The following REPIN1 variants were observed in gnomAD, a reference collection of about 807,000 sequenced individuals.
REPIN1 encodes replication initiator 1.
REPIN1 carries 4 observed loss-of-function variants against 5.7 expected under a neutral mutation model. The ratio of observed to expected loss-of-function variants is 0.71; its 90% CI spans 0.35 to 1.62. The LOEUF is 1.62. Ranked by LOEUF, REPIN1 falls within the 40% of genes most tolerant of loss-of-function variation. REPIN1 has a pLI of 0.05. For synonymous variants in REPIN1, 410 were observed against 386.2 expected, an observed-to-expected ratio of 1.06 and a Z score of -0.72; for missense variants, 854 against 901.0, an observed-to-expected ratio of 0.95 and a Z score of 0.67.
Position 150,369,861 on chromosome 7 carries a change from T to G in REPIN1, c.150T>G (p.Ser50Arg). The change falls in exon 2 of 3, where the codon AGT becomes AGG. Residue 50 changes from serine (S) to arginine (R), a missense_variant. This residue lies in a region of REPIN1 where 409 missense variants were observed against 418.6 expected (regional missense o/e 0.98). Coordinates refer to ENST00000489432, the MANE Select transcript of REPIN1 (RefSeq NM_001099695.2). ...AAAAGCCTCATCCCCAGCTCTGCAG[T>G]CTCCAGGGTAGAGTCTGGCCTTTGC... ...SWKKPHPQLC[S>R]LQAEEEPMLE... 1.2e-6 allele frequency: 2 copies of G among 1,600,768 alleles called. No individual in the cohort carries two copies. Among genetic ancestry groups the G allele is most frequent in the South Asian group, 2.2e-5 (2 of 90,242 alleles).
At position 150,372,713 on chromosome 7, in the gene REPIN1, A is replaced by T; in HGVS notation, c.1643A>T (p.Asp548Val). The stretch of plus-strand genomic sequence containing the variant: ...GGCGAGAAGCCCTACGTCTGCCCCG[A>T]CTGCGGCAAAGCCTTCAGCCAGAAG... Reference protein sequence around the residue: ...HTGEKPYVCPDCGKAFSQKSN... With the variant: ...HTGEKPYVCPVCGKAFSQKSN... Residue 548 changes from aspartate to valine, a missense_variant, in exon 3 of 3, where the codon GAC (aspartate) becomes GTC (valine). Physicochemically the swap from Asp to Val is radical, Grantham distance 152. Coordinates refer to ENST00000489432, the MANE Select transcript of REPIN1 (RefSeq NM_001099695.2). 2.5e-6 allele frequency: 4 copies of T among 1,612,646 alleles called. No individual in the cohort carries two copies. The highest frequency in any genetic ancestry group is 3.4e-6 in the Non-Finnish European group (4 of 1,179,894).
At chr7:150,371,198 T>C (rs1202824192) in intron 2 of REPIN1, 30 bp from the exon 3 acceptor site, 3 of 1,538,960 alleles carry the variant, frequency 1.9e-6, no homozygotes, top group African/African-American at 1.4e-5. Context: ...TGAGTTGGTC[T>C]CTGGAGTGAC....
chr7:150,373,149 A>G lies in REPIN1; in HGVS notation c.*204A>G. The G allele has an allele frequency of 5.6e-6, 4 of 714,698 alleles. No homozygotes were observed. The highest frequency in any genetic ancestry group is 7.0e-6 in the Non-Finnish European group (3 of 430,186). 44.3% of individuals were successfully genotyped at this position (714,698 alleles called of 1,614,324 possible). A position where few individuals can be genotyped will look rare whatever the true frequency, so the allele number is the denominator to read the frequency against. ...GGCCAGGGAACCCACTTCCAAGCGCAGGGACGCCGGCCTCCAGCTGGTGTG... is the reference window on the plus strand; with the variant it reads ...GGCCAGGGAACCCACTTCCAAGCGCGGGGACGCCGGCCTCCAGCTGGTGTG... On this transcript the variant is annotated 3_prime_UTR_variant, in exon 3 of 3. Transcript: ENST00000489432.
Position 150,372,350 on chromosome 7 carries a change from C to A in REPIN1, c.1280C>A (p.Ala427Asp). Residue 427 changes from alanine to aspartate, a missense_variant, in exon 3 of 3, where the codon GCC becomes GAC. Ala to Asp is a moderately radical substitution (Grantham distance 126). Around this residue, in one of 5 missense-constraint regions of REPIN1, gnomAD observed 327 missense variants for 307.8 expected, o/e 1.06. Transcript: ENST00000489432. The stretch of plus-strand genomic sequence containing the variant: ...GAGCACCCGCAGGACCCGATCGAAG[C>A]CCCCCCCTCCCTCTACAGCTGCGAC... Reference protein sequence around the residue: ...PPEHPQDPIEAPPSLYSCDDC... With the variant: ...PPEHPQDPIEDPPSLYSCDDC... The A allele has an allele frequency of 6.7e-7, 1 of 1,500,046 alleles. No homozygotes were observed. The allele number at this position is 1,500,046 out of a possible 1,614,324, so 92.9% of individuals were successfully genotyped here. A position where few individuals can be genotyped will look rare whatever the true frequency, so the allele number is the denominator to read the frequency against.
upstream of REPIN1, chr7:150,368,705 G>C (rs561404569): frequency 1.7e-5 from 4 of 232,740 alleles, no homozygotes; most frequent in Non-Finnish European, 3.2e-5. Flanking sequence ...CCCCGGCCCC[G>C]GCAGTCCCTC....
intron 1 of REPIN1, chr7:150,369,315 C>T (rs1799248387): frequency 7.2e-6 from 3 of 416,598 alleles, no homozygotes; most frequent in Non-Finnish European, 1.3e-5. Flanking sequence ...CCTGGAATTC[C>T]TGTCGGGAGG....
rs954198094 is a variant in REPIN1, at chr7:150,371,845, G to A, written c.775G>A (p.Glu259Lys). 2 of 1,605,726 alleles carry A rather than the reference G, an allele frequency of 1.2e-6. No homozygotes were observed. The highest frequency in any genetic ancestry group is 1.7e-6 in the Non-Finnish European group (2 of 1,176,608). The change falls in exon 3 of 3, where the codon GAG (glutamate) becomes AAG (lysine). Residue 259 changes from glutamate to lysine, a missense_variant. By Grantham distance (56) the Glu-to-Lys change is moderately conservative (BLOSUM62 1). This residue lies in a region of REPIN1 where 409 missense variants were observed against 418.6 expected (regional missense o/e 0.98). Coordinates refer to ENST00000489432, the MANE Select transcript of REPIN1 (RefSeq NM_001099695.2). ...TGCCCACAAGCGGGTGCACGTAGCT[G>A]AGGCCCTGGAGGAGGCCGCAGCCAA... ...LVAHKRVHVA[E>K]ALEEAAAKAL...
Position 150,371,631 on chromosome 7 carries a change from C to A in REPIN1, c.561C>A (p.Ala187=). 6.2e-7 allele frequency: 1 copy of A among 1,604,858 alleles called. No individual in the cohort carries two copies. Residue 187 remains alanine, a synonymous_variant, in exon 3 of 3, where the codon GCC becomes GCA. Coordinates refer to ENST00000489432, the MANE Select transcript of REPIN1 (RefSeq NM_001099695.2). ...GGCAGAGCTTCCGAGGCTGGGTGGC[C>A]CTGGTTCTGCATCTGCGGGCCCATT... The part of the protein sequence containing the change: ...LCGQSFRGWV[A]LVLHLRAHSA...
At chr7:150,370,409 A>C (rs1799525568) in intron 2 of REPIN1, 6 of 343,714 alleles carry the variant, frequency 1.7e-5, no homozygotes, top group South Asian at 1.4e-4. Context: ...AGGCGGGCAG[A>C]ATGGGGGCAC....
chr7:150,372,022 G>T lies in REPIN1; in HGVS notation c.952G>T (p.Glu318Ter). The T allele has an allele frequency of 6.2e-7, 1 of 1,612,040 alleles. No homozygotes were observed. Residue 318 changes from glutamate to a stop codon, truncating the protein, a stop_gained, in exon 3 of 3, where the codon GAG (glutamate) becomes TAG (stop). Coordinates refer to ENST00000489432, the MANE Select transcript of REPIN1 (RefSeq NM_001099695.2). LOFTEE classifies it low-confidence loss of function (END_TRUNC). ...CGCTCACCGCCGCGTGCACACGGGC[G>T]AGCGGCCCCACCAGTGCCCCGAGTG... ...LIAHRRVHTG[E>*]RPHQCPECGK... is the part of the protein sequence containing the mutation.
At chr7:150,369,537 C>A in intron 1 of REPIN1, 134 bp from the exon 2 acceptor site, 1 of 734,810 alleles carries the variant, frequency 1.4e-6, no homozygotes, top group Non-Finnish European at 2.3e-6. Context: ...GGTCACTCTG[C>A]CAGGCAGGAT....
At chr7:150,368,612 C>T (rs1799071347), upstream of REPIN1, among the ~76,000 whole-genome samples, 1 of 151,948 alleles carries the variant, frequency 6.6e-6, no homozygotes, top group African/African-American at 2.4e-5. Flanking sequence ...GCCATGGCAA[C>T]GGAGTCCGAC....
chr7:150,371,491 C>A lies in REPIN1; in HGVS notation c.421C>A (p.Pro141Thr). The A allele has an allele frequency of 6.2e-7, 1 of 1,607,088 alleles. No individual in the cohort carries two copies. ...LHTRRCQARL[P>T]LPCPECGRRF... The stretch of plus-strand genomic sequence containing the variant: ...CACCCGCCGGTGCCAGGCCCGGCTG[C>A]CCTTGCCCTGCCCTGAGTGTGGCCG... Residue 141 changes from proline to threonine, a missense_variant, in exon 3 of 3, where the codon CCC (proline) becomes ACC (threonine). Transcript: ENST00000489432.
chr7:150,368,570 G>A (rs1293691465), upstream of REPIN1, among the ~76,000 whole-genome samples: 2 of 152,088 alleles, frequency 1.3e-5, no homozygotes, highest in Non-Finnish European at 2.9e-5. Flanking sequence ...CTTGAGCTCC[G>A]GCCAGTCCCA....
At chr7:150,368,614 GA>G (rs1799072123), upstream of REPIN1, among the ~76,000 whole-genome samples, 1 of 151,880 alleles carries the variant, frequency 6.6e-6, no homozygotes, top group Non-Finnish European at 1.5e-5. Flanking sequence ...CATGGCAACG[GA>G]GTCCGACCCT....
At chr7:150,371,155 G>C in intron 2 of REPIN1, 73 bp from the exon 3 acceptor site, 1 of 1,465,434 alleles carries the variant, frequency 6.8e-7, no homozygotes, top group Non-Finnish European at 9.0e-7. Context: ...CCTGTCCGGG[G>C]CTGAGGTTGG....
chr7:150,368,482 G>C (rs992038832), upstream of REPIN1, among the ~76,000 whole-genome samples: 1 of 152,100 alleles, frequency 6.6e-6, no homozygotes, highest in African/African-American at 2.4e-5. Context: ...AGCTAAGGCC[G>C]AACACCCCGG....
At position 150,373,075 on chromosome 7, in the gene REPIN1, C is replaced by A. The variant is rs972941907; in HGVS notation, c.*130C>A. On this transcript the variant is annotated 3_prime_UTR_variant, in exon 3 of 3. Transcript: ENST00000489432. ...GGAATCCTAGAGGGGATGGAAGACG[C>A]GGGGAGTGAGCTGGGTGGGCCCTGC... The A allele has an allele frequency of 1.8e-5, 24 of 1,329,774 alleles. No homozygotes were observed. Among genetic ancestry groups the A allele is most frequent in the Admixed American group, 2.7e-5 (1 of 37,500 alleles). The allele number at this position is 1,329,774 out of a possible 1,614,324, so 82.4% of individuals were successfully genotyped here. A position where few individuals can be genotyped will look rare whatever the true frequency, so the allele number is the denominator to read the frequency against.
chr7:150,371,583 G>C lies in REPIN1; in HGVS notation c.513G>C (p.Leu171=). The C allele has an allele frequency of 6.2e-7, 1 of 1,604,850 alleles. No individual in the cohort carries two copies. The highest frequency in any genetic ancestry group is 8.5e-7 in the Non-Finnish European group (1 of 1,179,194). Residue 171 remains leucine (L), a synonymous_variant, in exon 3 of 3, where the codon CTG becomes CTC. Transcript: ENST00000489432. ...RQVHAAATPD[L]GFACHLCGQS... Reference sequence around the variant, plus strand: ...TCCATGCTGCTGCCACCCCAGACCTGGGCTTTGCCTGCCACCTCTGTGGGC... The same window carrying C: ...TCCATGCTGCTGCCACCCCAGACCTCGGCTTTGCCTGCCACCTCTGTGGGC...
Sources: gnomAD v4.1 joint callset for allele counts (sites outside exome capture counted in the v4.1 genomes callset) on GRCh38, gnomAD v4.1.1 for gene constraint, gnomAD v4.1.1 regional missense constraint, MANE v1.5 for transcripts, NCBI Gene and HGNC (gene_info 2026-07-23, HGNC 2026-07-21) for gene names.